Variants in GJC3 observed in about 807,000 individuals in gnomAD.
GJC3 encodes the protein gap junction gamma-3 protein.
GJC3 carries 17 observed loss-of-function variants against 19.8 expected under a neutral mutation model. The ratio of observed to expected loss-of-function variants is 0.86; its 90% CI spans 0.59 to 1.29. The LOEUF (loss-of-function observed/expected upper bound fraction) is 1.29, where lower values mean the gene tolerates loss of function less well. GJC3 is among the 50% of genes most tolerant of loss of function. GJC3 has a pLI of 0.00. For missense variants in GJC3, 317 were observed against 332.5 expected (o/e 0.95, Z 0.36); for synonymous variants, 140 against 136.5 (o/e 1.03, Z -0.18).
At chr7:99,925,734 C>T (rs1310025755) in intron 1 of GJC3, among the ~76,000 whole-genome samples, 1 of 152,168 alleles carries the variant, frequency 6.6e-6, no homozygotes, top group Non-Finnish European at 1.5e-5. Flanking sequence ...TTTGAATAGA[C>T]ATTTCTCCAA....
chr7:99,925,487 G>T (rs900592062), intron 1 of GJC3, among the ~76,000 whole-genome samples: 2 of 152,148 alleles, frequency 1.3e-5, no homozygotes, highest in African/African-American at 4.8e-5. Flanking sequence ...TTAGGCAATA[G>T]TTTCTTAGGT....
chr7:99,926,490 A>T (rs1819802532), intron 1 of GJC3, among the ~76,000 whole-genome samples: 1 of 152,234 alleles, frequency 6.6e-6, no homozygotes, highest in Non-Finnish European at 1.5e-5. Context: ...CAGTGGAATA[A>T]CACTCAACCA....
rs923827041 is a variant in GJC3, at chr7:99,929,117, T to C, written c.504A>G (p.Ala168=). The C allele has an allele frequency of 2.5e-6, 4 of 1,613,756 alleles. No homozygotes were observed. The highest frequency in any genetic ancestry group is 3.4e-6 in the Non-Finnish European group (4 of 1,179,992). ...TACCAAGGCAAGGTTCTCGGCGACA[T>C]GCAAAGGAGCTGGGCATCTGGAACC... The part of the protein sequence containing the change: ...LYGFQMPSSF[A]CRREPCLGSI... The change falls in exon 1 of 2, where the codon GCA becomes GCG. Residue 168 remains alanine, a synonymous_variant. Coordinates refer to ENST00000312891, the MANE Select transcript of GJC3 (RefSeq NM_181538.3).
At chr7:99,923,867 A>T (rs1819734154) in intron 1 of GJC3, among the ~76,000 whole-genome samples, 1 of 152,218 alleles carries the variant, frequency 6.6e-6, no homozygotes, top group Non-Finnish European at 1.5e-5. Context: ...AATTTAACCA[A>T]GACCCAGAGC....
chr7:99,924,275 T>C (rs1391849163), intron 1 of GJC3, among the ~76,000 whole-genome samples: 3 of 152,188 alleles, frequency 2.0e-5, no homozygotes, highest in Non-Finnish European at 4.4e-5. Flanking sequence ...GGGAAGTCAC[T>C]ATGTGCAGCC....
upstream of GJC3, chr7:99,929,628 T>C (rs769860050): frequency 2.8e-5 from 45 of 1,598,936 alleles, 2 homozygotes; most frequent in Middle Eastern, 3.3e-4. Context: ...CATCCTGTTT[T>C]GGAGCAGAGG....
rs535896564 is a variant in GJC3, at chr7:99,929,270, C to G, written c.351G>C (p.Gln117His). The change falls in exon 1 of 2, where the codon CAG becomes CAC. Residue 117 changes from glutamine to histidine, a missense_variant. Coordinates refer to ENST00000312891, the MANE Select transcript of GJC3 (RefSeq NM_181538.3). ...GKGKEEETLIQGREGNTDVPG... is the reference protein window; with the variant it reads ...GKGKEEETLIHGREGNTDVPG... ...GGACATCTGTGTTGCCCTCCCGTCCCTGGATCAGGGTCTCCTCCTCCTTCC... is the reference window on the plus strand; with the variant it reads ...GGACATCTGTGTTGCCCTCCCGTCCGTGGATCAGGGTCTCCTCCTCCTTCC... 11 of 1,614,204 alleles carry G rather than the reference C, an allele frequency of 6.8e-6. No individual in the cohort carries two copies. The highest frequency in any genetic ancestry group is 6.7e-5 in the African/African-American group (5 of 75,052).
chr7:99,925,034 G>A (rs2115575691), intron 1 of GJC3, among the ~76,000 whole-genome samples: 1 of 152,286 alleles, frequency 6.6e-6, no homozygotes, highest in African/African-American at 2.4e-5. Context: ...GTAGTAGGGG[G>A]AAAGTGGAGA....
In GJC3 at chr7:99,929,192, A is replaced by G; in HGVS notation, c.429T>C (p.Ala143=). 6.2e-7 allele frequency: 1 copy of G among 1,614,022 alleles called. No individual in the cohort carries two copies. Among genetic ancestry groups the G allele is most frequent in the Non-Finnish European group, 8.5e-7 (1 of 1,179,914 alleles). The change falls in exon 1 of 2, where the codon GCT becomes GCC. Residue 143 remains alanine, a synonymous_variant. Coordinates refer to ENST00000312891, the MANE Select transcript of GJC3 (RefSeq NM_181538.3). ...LLWAYVAQLG[A]RLVLEGAALG... is the part of the protein sequence containing the mutation. Reference sequence around the variant, plus strand: ...GGGCTGCCCCCTCCAGGACAAGCCGAGCCCCCAGCTGAGCCACATAAGCCC... The same window carrying G: ...GGGCTGCCCCCTCCAGGACAAGCCGGGCCCCCAGCTGAGCCACATAAGCCC...
At chr7:99,930,503 A>G (rs998275642), upstream of GJC3, among the ~76,000 whole-genome samples, 7 of 152,130 alleles carry the variant, frequency 4.6e-5, no homozygotes, top group African/African-American at 1.7e-4. Context: ...TCCCCAGCCA[A>G]AATACCACAA....
chr7:99,929,633 C>A, upstream of GJC3: 1 of 1,594,710 alleles, frequency 6.3e-7, no homozygotes. Context: ...TGTTTTGGAG[C>A]AGAGGACAAG....
intron 1 of GJC3, among the ~76,000 whole-genome samples, chr7:99,927,964 GC>G (rs1422332214): frequency 6.6e-6 from 1 of 152,248 alleles, no homozygotes; most frequent in Non-Finnish European, 1.5e-5. Flanking sequence ...GGGGGCCTAA[GC>G]CCCTGAATTC....
chr7:99,929,247 A>G lies in GJC3; in HGVS notation c.374T>C (p.Val125Ala). The G allele has an allele frequency of 6.2e-7, 1 of 1,614,146 alleles. No individual in the cohort carries two copies. Among genetic ancestry groups the G allele is most frequent in the South Asian group, 1.1e-5 (1 of 91,074 alleles). Residue 125 changes from valine (V) to alanine (A), a missense_variant, in exon 1 of 2, where the codon GTC becomes GCC. Val to Ala is a moderately conservative substitution (Grantham distance 64). Transcript: ENST00000312891. ...LIQGREGNTD[V>A]PGAGSLRLLW... Reference sequence around the variant, plus strand: ...CAGCCTGAGGCTTCCAGCCCCTGGGACATCTGTGTTGCCCTCCCGTCCCTG... The same window carrying G: ...CAGCCTGAGGCTTCCAGCCCCTGGGGCATCTGTGTTGCCCTCCCGTCCCTG...
At chr7:99,924,226 A>G (rs1242038816) in intron 1 of GJC3, among the ~76,000 whole-genome samples, 3 of 152,110 alleles carry the variant, frequency 2.0e-5, no homozygotes, top group East Asian at 3.9e-4. Flanking sequence ...TTCTCCCTGT[A>G]AAGTTATTCT....
At position 99,929,436 on chromosome 7, in the gene GJC3, G is replaced by A; in HGVS notation, c.185C>T (p.Ala62Val). 5 of 1,613,822 alleles carry A rather than the reference G, an allele frequency of 3.1e-6. No homozygotes were observed. The highest frequency in any genetic ancestry group is 4.2e-6 in the Non-Finnish European group (5 of 1,179,716). The change falls in exon 1 of 2, where the codon GCT becomes GTT. Residue 62 changes from alanine to valine, a missense_variant. Physicochemically the swap from Ala to Val is moderately conservative, Grantham distance 64. Transcript: ENST00000312891. ...GGGGTGGAAGGCATCGAAGCAGGCA[G>A]CCTTGCAGCCCGGCTGCTGGGTGTG... ...VCHTQQPGCK[A>V]ACFDAFHPLS... is the part of the protein sequence containing the mutation.
Position 99,925,704 on chromosome 7 carries a change from A to G in GJC3, c.782-2101T>C, listed in dbSNP as rs541273300. 8.9e-4 allele frequency among the ~76,000 whole-genome samples: 136 copies of G among 152,340 alleles called. 3 individuals are homozygous for G. In the South Asian group the frequency reaches 0.028, roughly 31 times the overall value. ...CAACAACAAAAATACAAAAAACTCT[A>G]TTTATAAATGGGAAAAGGATTTGAA... On this transcript the variant is annotated intron_variant, in intron 1 of 1. Coordinates refer to ENST00000312891, the MANE Select transcript of GJC3 (RefSeq NM_181538.3).
rs776882810 is a variant in GJC3 at position 99,929,448 on chromosome 7, G to A, written c.173C>T (p.Pro58Leu). ...ATCGAAGCAGGCAGCCTTGCAGCCC[G>A]GCTGCTGGGTGTGACACACGAATTC... ...QSEFVCHTQQ[P>L]GCKAACFDAF... is the part of the protein sequence containing the mutation. The change falls in exon 1 of 2, where the codon CCG becomes CTG. Residue 58 changes from proline (P) to leucine (L), a missense_variant. Transcript: ENST00000312891. 5.0e-6 allele frequency: 8 copies of A among 1,613,666 alleles called. No individual in the cohort carries two copies. Among genetic ancestry groups the A allele is most frequent in the Non-Finnish European group, 6.8e-6 (8 of 1,179,614 alleles).
chr7:99,923,608 T>C lies in GJC3; in HGVS notation c.782-5A>G, dbSNP rs758355395. On this transcript the variant is annotated splice_polypyrimidine_tract_variant and splice_region_variant and intron_variant, in intron 1 of 1. Transcript: ENST00000312891. ...GGGCTAAGCTTCTTCCTGGAACTTT[T>C]TAAAACAAAAATTCAAGATGTAACA... The C allele has an allele frequency of 3.8e-6, 3 of 780,990 alleles. No homozygotes were observed. The African/African-American group carries it at 5.1e-5, about 13-fold the overall frequency. The allele number at this position is 780,990 out of a possible 1,614,324, so 48.4% of individuals were successfully genotyped here. A position where few individuals can be genotyped will look rare whatever the true frequency, so the allele number is the denominator to read the frequency against.
chr7:99,929,992 T>C (rs561034660), upstream of GJC3, among the ~76,000 whole-genome samples: 8 of 152,316 alleles, frequency 5.3e-5, no homozygotes, highest in African/African-American at 1.9e-4. Context: ...CTGGGATGTT[T>C]TGTTAATTTT....
Sources: allele counts gnomAD v4.1 joint callset (sites outside exome capture counted in the v4.1 genomes callset), GRCh38; gene constraint gnomAD v4.1.1; transcripts MANE v1.5; gene names NCBI Gene and HGNC (gene_info 2026-07-23, HGNC 2026-07-21).